Variants in GRAMD1B observed in about 807,000 individuals in gnomAD.
The protein encoded by GRAMD1B is GRAM domain containing 1B.
In GRAMD1B, 37 loss-of-function variants were observed where a neutral mutation model predicts 99.7. The observed-to-expected ratio is 0.37, with a 90% CI of 0.29 to 0.49. The LOEUF is 0.49. Among genes scored for constraint, GRAMD1B ranks in the 20% least tolerant of loss-of-function variants. The probability of loss-of-function intolerance (pLI) is 0.98; values close to 1 mark genes in which losing one functional copy is unlikely to be tolerated. For synonymous variants in GRAMD1B, 427 were observed against 387.6 expected (o/e 1.10, Z -1.19); for missense variants, 888 against 1,009.2 (o/e 0.88, Z 1.63).
intron 1 of GRAMD1B, among the ~76,000 whole-genome samples, chr11:123,377,702 T>G (rs1946735340): frequency 6.6e-6 from 1 of 152,208 alleles, no homozygotes; most frequent in Non-Finnish European, 1.5e-5. Context: ...GCAAGTAACA[T>G]TCAGAAGAGC....
At chr11:123,404,233 AG>A (rs1167545734) in intron 1 of GRAMD1B, among the ~76,000 whole-genome samples, 1 of 152,182 alleles carries the variant, frequency 6.6e-6, no homozygotes, top group Admixed American at 6.5e-5. Context: ...TTGTGGCGTG[AG>A]CAGTGATTAC....
At chr11:123,494,404 G>GACAGC in intron 2 of GRAMD1B, among the ~76,000 whole-genome samples, 1 of 150,494 alleles carries the variant, frequency 6.6e-6, no homozygotes, top group Middle Eastern at 3.6e-3. Context: ...TCTTGTGGAA[G>GACAGC]ACAGCACTTA....
chr11:123,415,488 T>C (rs1311700831), intron 1 of GRAMD1B, among the ~76,000 whole-genome samples: 2 of 151,794 alleles, frequency 1.3e-5, no homozygotes, highest in African/African-American at 2.4e-5. Context: ...TTTCAGTCAA[T>C]GCACAGCAGA....
At chr11:123,614,039 C>G (rs2137021458) in intron 16 of GRAMD1B, among the ~76,000 whole-genome samples, 1 of 152,320 alleles carries the variant, frequency 6.6e-6, no homozygotes, top group East Asian at 1.9e-4. Context: ...GAGACCAAGA[C>G]AGTCCCCGTT....
intron 2 of GRAMD1B, among the ~76,000 whole-genome samples, chr11:123,565,779 A>G (rs189193547): frequency 6.6e-6 from 1 of 152,306 alleles, no homozygotes; most frequent in East Asian, 1.9e-4. Context: ...ACTATTGTAG[A>G]TCAGCTCAGC....
At chr11:123,600,870 G>A (rs1341281097) in intron 8 of GRAMD1B, among the ~76,000 whole-genome samples, 1 of 152,174 alleles carries the variant, frequency 6.6e-6, no homozygotes, top group Non-Finnish European at 1.5e-5. Flanking sequence ...AGCAGGATGA[G>A]GGCCACCAGG....
intron 1 of GRAMD1B, among the ~76,000 whole-genome samples, chr11:123,368,739 A>T (rs1348443024): frequency 6.6e-6 from 1 of 151,844 alleles, no homozygotes; most frequent in East Asian, 1.9e-4. Context: ...AAGGTAATGA[A>T]ATCAAAATTT....
Position 123,608,640 on chromosome 11 carries a change from G to T in GRAMD1B, c.1514-19G>T. The stretch of plus-strand genomic sequence containing the variant: ...CCTCCGCTGTCACTGTCTACTTCCT[G>T]ATCCTCTCTTCTGTGCAGGAGAGGT... On this transcript the variant is annotated intron_variant, in intron 11 of 19. Coordinates refer to ENST00000635736, the MANE Select transcript of GRAMD1B (RefSeq NM_001387025.1). The T allele has an allele frequency of 6.4e-7, 1 of 1,574,734 alleles. No homozygotes were observed. Among genetic ancestry groups the T allele is most frequent in the East Asian group, 2.3e-5 (1 of 42,944 alleles).
At chr11:123,507,927 C>G (rs986968840) in intron 2 of GRAMD1B, among the ~76,000 whole-genome samples, 2 of 152,170 alleles carry the variant, frequency 1.3e-5, no homozygotes, top group African/African-American at 4.8e-5. Flanking sequence ...GGAATTTGCA[C>G]TTAGTGAATA....
chr11:123,518,259 T>G (rs1472643859), intron 2 of GRAMD1B, among the ~76,000 whole-genome samples: 5 of 151,988 alleles, frequency 3.3e-5, no homozygotes, highest in Non-Finnish European at 5.9e-5. Flanking sequence ...CCAACACTAG[T>G]CAGGCAGTCA....
intron 1 of GRAMD1B, among the ~76,000 whole-genome samples, chr11:123,376,649 G>A (rs994445959): frequency 1.3e-5 from 2 of 152,156 alleles, no homozygotes; most frequent in African/African-American, 2.4e-5. Flanking sequence ...CAGCTTAAGC[G>A]CAAAGACAAT....
At chr11:123,589,708 C>T (rs557447590) in intron 4 of GRAMD1B, among the ~76,000 whole-genome samples, 14 of 151,220 alleles carry the variant, frequency 9.3e-5, no homozygotes, top group African/African-American at 1.7e-4. Flanking sequence ...GTGATCCGTC[C>T]GAATTGGCTT....
chr11:123,535,584 C>T (rs746182751), intron 2 of GRAMD1B, among the ~76,000 whole-genome samples: 10 of 152,154 alleles, frequency 6.6e-5, no homozygotes, highest in Non-Finnish European at 1.5e-4. Context: ...ATAGTTTCCC[C>T]AGTCTACCTT....
At chr11:123,444,783 G>A (rs1420316678) in intron 1 of GRAMD1B, among the ~76,000 whole-genome samples, 3 of 152,114 alleles carry the variant, frequency 2.0e-5, no homozygotes, top group Non-Finnish European at 4.4e-5. Context: ...CAGAAGCTCA[G>A]CAAAGCTCCA....
intron 1 of GRAMD1B, among the ~76,000 whole-genome samples, chr11:123,412,452 C>T (rs1379334383): frequency 1.3e-5 from 2 of 152,118 alleles, no homozygotes; most frequent in Non-Finnish European, 2.9e-5. Flanking sequence ...GAGACTAAGC[C>T]CAGAGAAGTC....
intron 2 of GRAMD1B, among the ~76,000 whole-genome samples, chr11:123,521,601 CAG>C (rs771874049): frequency 6.6e-6 from 1 of 152,172 alleles, no homozygotes; most frequent in Non-Finnish European, 1.5e-5. Context: ...AGGAAACTCT[CAG>C]GGTACAATCA....
intron 2 of GRAMD1B, chr11:123,526,228 C>T (rs564000144): frequency 5.0e-5 from 73 of 1,459,898 alleles, no homozygotes; most frequent in Admixed American, 4.4e-4. Context: ...GCCCTGTGCT[C>T]GCCCCAGCAC....
intron 1 of GRAMD1B, among the ~76,000 whole-genome samples, chr11:123,396,930 C>T (rs1947484842): frequency 6.6e-6 from 1 of 152,038 alleles, no homozygotes; most frequent in Non-Finnish European, 1.5e-5. Flanking sequence ...ATATTCATAC[C>T]AATCCAGCAA....
At chr11:123,583,056 C>T (rs916013809) in intron 3 of GRAMD1B, among the ~76,000 whole-genome samples, 1 of 149,292 alleles carries the variant, frequency 6.7e-6, no homozygotes, top group African/African-American at 2.5e-5. Flanking sequence ...ATATGTGTGT[C>T]TCTGTATATG....
Sources: allele counts gnomAD v4.1 joint callset (sites outside exome capture counted in the v4.1 genomes callset), GRCh38; gene constraint gnomAD v4.1.1; transcripts MANE v1.5; gene names NCBI Gene and HGNC (gene_info 2026-07-23, HGNC 2026-07-21).